CFAP74: variants seen among roughly 807,000 people sequenced by gnomAD.
CFAP74 encodes cilia- and flagella-associated protein 74.
In CFAP74, 124 loss-of-function variants were observed where a neutral mutation model predicts 188.9. That is an observed-to-expected ratio of 0.66 (90% CI 0.57 to 0.76). CFAP74 has a LOEUF of 0.76. Ranked by LOEUF, CFAP74 falls within the 30% of genes least tolerant of loss-of-function variation. CFAP74 has a pLI of 0.00. For synonymous variants in CFAP74, 956 were observed against 916.7 expected (o/e 1.04, Z -0.77); for missense variants, 2,198 against 2,165.2 (o/e 1.02, Z -0.30).
At position 1,973,875 on chromosome 1, in the gene CFAP74, G is replaced by A. The variant is rs989855195; in HGVS notation, c.674+150C>T. ...GGGAAGGACTCAAGGGCCCGGTGGAGGAGCAAGCTGGGAGGAGGCAGGGAG... is the reference window on the plus strand; with the variant it reads ...GGGAAGGACTCAAGGGCCCGGTGGAAGAGCAAGCTGGGAGGAGGCAGGGAG... On this transcript the variant is annotated intron_variant, in intron 7 of 38. Transcript: ENST00000682832. This position sits in a 1 kb window ranked among gnomAD's most constrained non-coding sequence, Gnocchi z 6.2. 169 of 697,004 alleles carry A rather than the reference G, an allele frequency of 2.4e-4. No homozygotes were observed. Among genetic ancestry groups the A allele is most frequent in the Non-Finnish European group, 3.5e-4 (159 of 450,832 alleles). 43.2% of individuals were successfully genotyped at this position (697,004 alleles called of 1,614,324 possible). A position where few individuals can be genotyped will look rare whatever the true frequency, so the allele number is the denominator to read the frequency against.
intron 1 of CFAP74, 48 bp downstream of exon 1, chr1:2,003,653 C>A (rs1319782845): frequency 6.6e-6 from 1 of 152,196 alleles, no homozygotes. Context: ...GGGGGTCAAA[C>A]CCTTCCAGCT....
chr1:1,923,093 G>T lies in CFAP74; in HGVS notation c.4575C>A (p.Ile1525=), dbSNP rs764511877. The T allele has an allele frequency of 1.9e-6, 3 of 1,610,522 alleles. No homozygotes were observed. The highest frequency in any genetic ancestry group is 2.5e-6 in the Non-Finnish European group (3 of 1,179,292). ...LSPEAEELRP[I]LVTLDYIQFD... Reference sequence around the variant, plus strand: ...ACTGGATGTAGTCCAGGGTCACCAGGATGGGCCTCAGCTCCTCAGCTTCTG... The same window carrying T: ...ACTGGATGTAGTCCAGGGTCACCAGTATGGGCCTCAGCTCCTCAGCTTCTG... Residue 1525 remains isoleucine, a synonymous_variant, in exon 37 of 39, where the codon ATC becomes ATA. Transcript: ENST00000682832. The surrounding 1 kb of genome is among the most constrained non-coding windows in gnomAD (Gnocchi z 6.3).
In CFAP74 at chr1:1,987,020, G is replaced by T; in HGVS notation, c.312C>A (p.Ala104=). 1 of 1,598,772 alleles carries T rather than the reference G, an allele frequency of 6.3e-7. No individual in the cohort carries two copies. ...FTEKMRGELR[A]CRQRRDLIDK... ...CGATCAGGTCCCGCCTCTGCCGACAGGCGCGCAGCTCCCCTCTGGAACAGG... is the reference window on the plus strand; with the variant it reads ...CGATCAGGTCCCGCCTCTGCCGACATGCGCGCAGCTCCCCTCTGGAACAGG... The change falls in exon 5 of 39, where the codon GCC becomes GCA. Residue 104 remains alanine (A), a synonymous_variant. Coordinates refer to ENST00000682832, the MANE Select transcript of CFAP74 (RefSeq NM_001304360.2).
At chr1:1,933,039 C>T (rs1300190839) in intron 25 of CFAP74, among the ~76,000 whole-genome samples, 1 of 149,932 alleles carries the variant, frequency 6.7e-6, no homozygotes, top group Admixed American at 6.7e-5. Context: ...GCGCCCGCCA[C>T]CATGCCCGGC....
chr1:1,959,096 T>A, intron 16 of CFAP74, 24 bp downstream of exon 16: 1 of 1,553,134 alleles, frequency 6.4e-7, no homozygotes, highest in Non-Finnish European at 8.9e-7. Flanking sequence ...CGAGAAATGC[T>A]GGCTCGGACA....
intron 34 of CFAP74, 125 bp from the exon 35 acceptor site, chr1:1,924,054 C>T (rs1271740748): frequency 5.4e-5 from 49 of 900,578 alleles, no homozygotes; most frequent in Non-Finnish European, 7.0e-5. Context: ...CTGCCCGGTC[C>T]CCCCAATGGC....
chr1:1,970,874 C>T (rs1655916584), intron 9 of CFAP74, 58 bp from the exon 10 acceptor site: 2 of 1,589,740 alleles, frequency 1.3e-6, no homozygotes, highest in Non-Finnish European at 1.7e-6. Context: ...CATGCACACG[C>T]TCACACCTGC....
In CFAP74 at chr1:1,947,020, G is replaced by A. The variant is rs1653820403; in HGVS notation, c.2211C>T (p.Ser737=). Residue 737 remains serine, a synonymous_variant, in exon 19 of 39, where the codon AGC becomes AGT. Coordinates refer to ENST00000682832, the MANE Select transcript of CFAP74 (RefSeq NM_001304360.2). ...CCAGCGTGATCTCCGTCTGCTCTTCGCTGGGAGGTATCACTGTGGTTAATC... is the reference window on the plus strand; with the variant it reads ...CCAGCGTGATCTCCGTCTGCTCTTCACTGGGAGGTATCACTGTGGTTAATC... ...PERLTTVIPP[S]EEQTEITLGE... 1.3e-6 allele frequency: 2 copies of A among 1,536,052 alleles called. No homozygotes were observed. Among genetic ancestry groups the A allele is most frequent in the Middle Eastern group, 1.7e-4 (1 of 5,990 alleles).
rs999323298 is a variant in CFAP74 at position 1,982,761 on chromosome 1, T to G, written c.500+2625A>C. On this transcript the variant is annotated intron_variant, in intron 6 of 38. Transcript: ENST00000682832. ...TGCGGGTAGGGATGGGGCAACTACC[T>G]GCCCGAAATGAGGGTGGTGGGAGGC... 3.9e-5 allele frequency among the ~76,000 whole-genome samples: 6 copies of G among 152,192 alleles called. No individual in the cohort carries two copies. In the East Asian group the frequency reaches 1.2e-3, roughly 29 times the overall value.
intron 1 of CFAP74, among the ~76,000 whole-genome samples, chr1:1,999,815 TCAAA>T (rs1168958448): frequency 6.6e-6 from 1 of 151,204 alleles, no homozygotes; most frequent in Non-Finnish European, 1.5e-5. Flanking sequence ...AGACTCTGTC[TCAAA>T]CAAATAAACA....
intron 6 of CFAP74, among the ~76,000 whole-genome samples, chr1:1,981,491 C>T (rs1343018448): frequency 7.5e-6 from 1 of 132,632 alleles, no homozygotes; most frequent in East Asian, 2.4e-4. Flanking sequence ...CGCGGGGGCA[C>T]GCAGGACACC....
At position 1,959,229 on chromosome 1, in the gene CFAP74, C is replaced by T. The variant is rs774724534; in HGVS notation, c.1762-20G>A. 1 of 1,507,566 alleles carries T rather than the reference C, an allele frequency of 6.6e-7. No individual in the cohort carries two copies. 93.4% of individuals were successfully genotyped at this position (1,507,566 alleles called of 1,614,324 possible). On this transcript the variant is annotated intron_variant, in intron 15 of 38. Transcript: ENST00000682832. ...GTTTATCTAAAACATAAAACAACCC[C>T]CACCACAATACACTTCTGCAACTTT...
Position 1,990,930 on chromosome 1 carries a change from A to C in CFAP74, c.27T>G (p.Pro9=). ...GGGCATCGGCCAAAAGCTCGTCCTC[A>C]GGGAGCAGGCTGCCGTCATCCTCCA... MEDDGSLL[P]EDELLADALL... Residue 9 remains proline (P), a synonymous_variant, in exon 2 of 39, where the codon CCT becomes CCG. Coordinates refer to ENST00000682832, the MANE Select transcript of CFAP74 (RefSeq NM_001304360.2). 1.9e-6 allele frequency: 3 copies of C among 1,613,204 alleles called. No individual in the cohort carries two copies. Among genetic ancestry groups the C allele is most frequent in the Non-Finnish European group, 2.5e-6 (3 of 1,179,784 alleles).
At chr1:2,000,453 A>G (rs1658152528) in intron 1 of CFAP74, among the ~76,000 whole-genome samples, 1 of 152,020 alleles carries the variant, frequency 6.6e-6, no homozygotes. Flanking sequence ...AGCACACCCT[A>G]CAGAAAATCC....
Position 1,926,343 on chromosome 1 carries a change from T to C in CFAP74, c.3833A>G (p.Asp1278Gly). The change falls in exon 32 of 39, where the codon GAC becomes GGC. Residue 1278 changes from aspartate to glycine, a missense_variant. Asp to Gly is a moderately conservative substitution (Grantham distance 94, BLOSUM62 -1). Transcript: ENST00000682832. Reference sequence around the variant, plus strand: ...GCCGTTGGGGTTCAGCAGGGAGAAGTCCAGCTGAGGGTCCACGTCAAGGAG... The same window carrying C: ...GCCGTTGGGGTTCAGCAGGGAGAAGCCCAGCTGAGGGTCCACGTCAAGGAG... ...QNVSPEDLAL[D>G]FSLLNPNGPF... The C allele has an allele frequency of 6.5e-7, 1 of 1,548,470 alleles. No individual in the cohort carries two copies. The highest frequency in any genetic ancestry group is 8.7e-7 in the Non-Finnish European group (1 of 1,145,892).
rs536846699 is a variant in CFAP74, at chr1:1,975,957, G to A, written c.501-1759C>T. 4.6e-5 allele frequency among the ~76,000 whole-genome samples: 7 copies of A among 152,242 alleles called. No homozygotes were observed. Among genetic ancestry groups the A allele is most frequent in the Non-Finnish European group, 7.4e-5 (5 of 68,016 alleles). On this transcript the variant is annotated intron_variant, in intron 6 of 38. Coordinates refer to ENST00000682832, the MANE Select transcript of CFAP74 (RefSeq NM_001304360.2). The surrounding 1 kb of genome is among the most constrained non-coding windows in gnomAD (Gnocchi z 4.5). ...GGAAAACACCCACGACCGGGTCTTC[G>A]CAAACAACAGAATTTCATTCCTCAG...
intron 6 of CFAP74, among the ~76,000 whole-genome samples, chr1:1,976,014 G>T (rs1656415345): frequency 6.6e-6 from 1 of 152,240 alleles, no homozygotes. Context: ...AGGTCAAGGT[G>T]CCAGCAGCTT....
At position 1,975,202 on chromosome 1, in the gene CFAP74, A is replaced by G. The variant is rs1301216978; in HGVS notation, c.501-1004T>C. ...GGAGCCGAGTCCAGTCTCTCTCCCC[A>G]CTGCAACACCCGGGGCAGGGGTCCC... is the stretch of plus-strand genomic sequence containing the variant. On this transcript the variant is annotated intron_variant, in intron 6 of 38. Transcript: ENST00000682832. This position sits in a 1 kb window ranked among gnomAD's most constrained non-coding sequence, Gnocchi z 4.5. 2.6e-5 allele frequency among the ~76,000 whole-genome samples: 4 copies of G among 152,242 alleles called. No homozygotes were observed. Among genetic ancestry groups the G allele is most frequent in the South Asian group, 4.1e-4 (2 of 4,824 alleles).
intron 14 of CFAP74, among the ~76,000 whole-genome samples, chr1:1,960,667 A>G (rs936308273): frequency 6.6e-6 from 1 of 152,206 alleles, no homozygotes; most frequent in African/African-American, 2.4e-5. Flanking sequence ...GCACAAGCTA[A>G]AATTTTAATG....
Sources: allele counts gnomAD v4.1 joint callset (sites outside exome capture counted in the v4.1 genomes callset), GRCh38; gene constraint gnomAD v4.1.1; non-coding constraint Gnocchi (gnomAD v3.1); transcripts MANE v1.5; gene names NCBI Gene and HGNC (gene_info 2026-07-23, HGNC 2026-07-21).